Variants in EPHB1 observed in about 807,000 individuals in gnomAD.
EPHB1 encodes EPH receptor B1.
EPHB1 carries 30 observed loss-of-function variants against 94.4 expected under a neutral mutation model. The observed-to-expected ratio is 0.32, with a 90% CI of 0.24 to 0.43. EPHB1 has a LOEUF of 0.43. EPHB1 is among the 20% of genes least tolerant of loss of function. The pLI, the probability that EPHB1 is intolerant of heterozygous loss-of-function variation, is 1.00. For synonymous variants in EPHB1, 522 were observed against 489.1 expected, an observed-to-expected ratio of 1.07 and a Z score of -0.89; for missense variants, 1,055 against 1,308.3, an observed-to-expected ratio of 0.81 and a Z score of 2.99.
In EPHB1 at chr3:135,235,766, G is replaced by A. The variant is rs377550928; in HGVS notation, c.2347-5382G>A. Among the ~76,000 whole-genome samples the A allele has an allele frequency of 4.7e-4, 71 of 152,236 alleles. 2 individuals carry two copies. In the South Asian group the frequency reaches 0.014, roughly 31 times the overall value. On this transcript the variant is annotated intron_variant, in intron 12 of 15. Transcript: ENST00000398015. ...GGCCTGGAGTGGCCATCTGAGTCTG[G>A]GGACACTGATGGTAGAGTGAGGATA... is the stretch of plus-strand genomic sequence containing the variant.
intron 5 of EPHB1, among the ~76,000 whole-genome samples, chr3:135,137,838 C>G (rs959747460): frequency 3.3e-5 from 5 of 152,182 alleles, no homozygotes; most frequent in African/African-American, 1.2e-4. Flanking sequence ...TCCTTCCAAG[C>G]CTTCACAGTT....
intron 3 of EPHB1, among the ~76,000 whole-genome samples, chr3:135,097,730 C>T (rs1240691736): frequency 6.6e-6 from 1 of 152,200 alleles, no homozygotes; most frequent in Non-Finnish European, 1.5e-5. Context: ...TAAGTGTCTC[C>T]TCTGCACAGG....
chr3:135,158,292 C>A (rs954234804), intron 6 of EPHB1, among the ~76,000 whole-genome samples: 1 of 152,196 alleles, frequency 6.6e-6, no homozygotes, highest in African/African-American at 2.4e-5. Flanking sequence ...AAGGAAGTCC[C>A]AGCCCCTCAT....
intron 4 of EPHB1, among the ~76,000 whole-genome samples, chr3:135,114,253 G>C (rs1361100982): frequency 2.0e-5 from 3 of 152,046 alleles, no homozygotes; most frequent in African/African-American, 7.2e-5. Flanking sequence ...CTAAGAGTGT[G>C]GGCTCTGGAG....
At chr3:134,985,196 C>T (rs1204747010) in intron 3 of EPHB1, among the ~76,000 whole-genome samples, 1 of 152,104 alleles carries the variant, frequency 6.6e-6, no homozygotes, top group African/African-American at 2.4e-5. Flanking sequence ...GCTCTGTTGC[C>T]CAGGCTGGAG....
chr3:135,173,316 G>T (rs1941869415), intron 9 of EPHB1, among the ~76,000 whole-genome samples: 1 of 152,154 alleles, frequency 6.6e-6, no homozygotes, highest in Non-Finnish European at 1.5e-5. Flanking sequence ...TTACAGGCGT[G>T]AGCCACCGCG....
chr3:135,080,065 G>T (rs1042832699), intron 3 of EPHB1, among the ~76,000 whole-genome samples: 2 of 152,108 alleles, frequency 1.3e-5, no homozygotes, highest in Non-Finnish European at 2.9e-5. Flanking sequence ...ATGAGGGATG[G>T]GCTAATGTTC....
At chr3:135,120,635 T>C (rs1326599645) in intron 4 of EPHB1, among the ~76,000 whole-genome samples, 1 of 152,232 alleles carries the variant, frequency 6.6e-6, no homozygotes, top group African/African-American at 2.4e-5. Context: ...ACTTACCTTT[T>C]TCAATTTCTT....
At chr3:135,129,125 A>T (rs1216991439) in intron 4 of EPHB1, among the ~76,000 whole-genome samples, 2 of 146,932 alleles carry the variant, frequency 1.4e-5, no homozygotes, top group African/African-American at 2.5e-5. Context: ...GCACACATGA[A>T]TGGGAAGGGG....
chr3:135,031,306 C>T (rs1936458321), intron 3 of EPHB1, among the ~76,000 whole-genome samples: 1 of 151,926 alleles, frequency 6.6e-6, no homozygotes, highest in Non-Finnish European at 1.5e-5. Flanking sequence ...TCTCTTTCTC[C>T]CTTTCTCTCT....
rs147502810 is a variant in EPHB1, at chr3:135,099,567, A to G, written c.806-6881A>G. ...AGAGGAATCCCAGTGCAGAAACCTC[A>G]TGCCACTTCCTTCTAGGGAGTTTCA... is the stretch of plus-strand genomic sequence containing the variant. On this transcript the variant is annotated intron_variant, in intron 3 of 15. Coordinates refer to ENST00000398015, the MANE Select transcript of EPHB1 (RefSeq NM_004441.5). Among the ~76,000 whole-genome samples the G allele has an allele frequency of 1.6e-3, 238 of 152,372 alleles. 1 individual carries two copies. The highest frequency in any genetic ancestry group is 5.5e-3 in the African/African-American group (229 of 41,582).
intron 6 of EPHB1, among the ~76,000 whole-genome samples, chr3:135,155,413 C>T (rs1941320816): frequency 6.6e-6 from 1 of 151,964 alleles, no homozygotes; most frequent in South Asian, 2.1e-4. Context: ...GGTGATTCAA[C>T]AAGCAGGAAG....
chr3:135,043,461 C>T (rs1054965497), intron 3 of EPHB1, among the ~76,000 whole-genome samples: 12 of 152,022 alleles, frequency 7.9e-5, no homozygotes, highest in Non-Finnish European at 8.8e-5. Flanking sequence ...TCTGTGGGCC[C>T]GATGCCTTCC....
chr3:135,164,716 T>C (rs1253183554), intron 7 of EPHB1, among the ~76,000 whole-genome samples: 1 of 148,872 alleles, frequency 6.7e-6, no homozygotes, highest in African/African-American at 2.5e-5. Context: ...GGCTGAGACA[T>C]TAGAATTGCT....
intron 3 of EPHB1, among the ~76,000 whole-genome samples, chr3:135,060,773 A>G (rs1937477583): frequency 6.6e-6 from 1 of 152,176 alleles, no homozygotes; most frequent in Non-Finnish European, 1.5e-5. Flanking sequence ...CATTTCATTT[A>G]TCCTTTGTGT....
chr3:135,091,586 CCTGT>C (rs1938559830), intron 3 of EPHB1, among the ~76,000 whole-genome samples: 1 of 152,078 alleles, frequency 6.6e-6, no homozygotes, highest in African/African-American at 2.4e-5. Context: ...CTTTTCCAGC[CCTGT>C]CTGTCTGTAA....
intron 5 of EPHB1, among the ~76,000 whole-genome samples, chr3:135,153,737 C>T (rs1042598233): frequency 1.3e-5 from 2 of 152,202 alleles, no homozygotes; most frequent in African/African-American, 4.8e-5. Flanking sequence ...TCTCTTGCCC[C>T]AGGTTCTCAT....
At chr3:134,800,096 T>C (rs183544915) in intron 1 of EPHB1, among the ~76,000 whole-genome samples, 202 of 152,250 alleles carry the variant, frequency 1.3e-3, no homozygotes, top group Non-Finnish European at 2.4e-3. Context: ...TGGTGACAGA[T>C]AGCAGGATCA....
At chr3:135,033,893 C>T (rs763035508) in intron 3 of EPHB1, among the ~76,000 whole-genome samples, 6 of 152,112 alleles carry the variant, frequency 3.9e-5, no homozygotes, top group Non-Finnish European at 7.3e-5. Context: ...ATTTTGTTGC[C>T]GTAAGGGACC....
Sources: allele counts gnomAD v4.1 joint callset (sites outside exome capture counted in the v4.1 genomes callset), GRCh38; gene constraint gnomAD v4.1.1; transcripts MANE v1.5; gene names NCBI Gene and HGNC (gene_info 2026-07-23, HGNC 2026-07-21).